FTO: variants seen among roughly 807,000 people sequenced by gnomAD.
FTO encodes the protein alpha-ketoglutarate-dependent dioxygenase FTO.
A neutral mutation model predicts 63.9 loss-of-function variants in FTO; 47 were observed. That is an observed-to-expected ratio of 0.74 (90% confidence interval 0.58 to 0.94). The LOEUF (loss-of-function observed/expected upper bound fraction) is 0.94, where lower values mean the gene tolerates loss of function less well. FTO is among the 40% of genes least tolerant of loss of function. The pLI, the probability that FTO is intolerant of heterozygous loss-of-function variation, is 0.00. For synonymous variants in FTO, 207 were observed against 224.4 expected, an observed-to-expected ratio of 0.92 and a Z score of 0.69; for missense variants, 562 against 618.1, an observed-to-expected ratio of 0.91 and a Z score of 0.96.
At chr16:53,706,533 T>A (rs987002831) in intron 1 of FTO, among the ~76,000 whole-genome samples, 15 of 152,220 alleles carry the variant, frequency 9.9e-5, no homozygotes, top group African/African-American at 3.6e-4. Flanking sequence ...ATACAGTGTA[T>A]ACTTTTGGGT....
intron 1 of FTO, among the ~76,000 whole-genome samples, chr16:53,725,581 G>C (rs1451730851): frequency 6.6e-6 from 1 of 152,228 alleles, no homozygotes; most frequent in East Asian, 1.9e-4. Context: ...ATGTTTTGCT[G>C]TCTGCAGATA....
intron 8 of FTO, among the ~76,000 whole-genome samples, chr16:53,940,480 C>T (rs2082502362): frequency 6.6e-6 from 1 of 152,194 alleles, no homozygotes; most frequent in African/African-American, 2.4e-5. Context: ...TGTGGCCCCA[C>T]TTATTTTTTT....
intron 2 of FTO, among the ~76,000 whole-genome samples, chr16:53,814,478 A>G (rs985887898): frequency 6.6e-6 from 1 of 152,168 alleles, no homozygotes; most frequent in East Asian, 1.9e-4. Context: ...CTAAAACCCT[A>G]TTTTAGAGAT....
chr16:53,738,916 C>T (rs1275494484), intron 1 of FTO, among the ~76,000 whole-genome samples: 1 of 151,994 alleles, frequency 6.6e-6, no homozygotes, highest in Non-Finnish European at 1.5e-5. Context: ...TCATGATTCA[C>T]TGGAGCCTCA....
intron 3 of FTO, among the ~76,000 whole-genome samples, chr16:53,835,887 A>G (rs1420320272): frequency 3.3e-5 from 4 of 119,940 alleles, no homozygotes; most frequent in African/African-American, 1.4e-4. Flanking sequence ...CAACCTGTCT[A>G]TTGATTTTTT....
intron 3 of FTO, among the ~76,000 whole-genome samples, chr16:53,840,066 G>C (rs1236995191): frequency 6.6e-6 from 1 of 152,006 alleles, no homozygotes; most frequent in African/African-American, 2.4e-5. Context: ...GCCTCCCAAT[G>C]TGCTGGGATT....
At chr16:53,964,359 G>C (rs2083149977) in intron 8 of FTO, among the ~76,000 whole-genome samples, 1 of 152,190 alleles carries the variant, frequency 6.6e-6, no homozygotes, top group African/African-American at 2.4e-5. Context: ...GGCAGGATTT[G>C]ACTGTCAGGC....
chr16:54,069,729 G>T (rs866998490), intron 8 of FTO, among the ~76,000 whole-genome samples: 1 of 152,090 alleles, frequency 6.6e-6, no homozygotes, highest in African/African-American at 2.4e-5. Context: ...ATTAGCCAGG[G>T]TTGAAATTGA....
At chr16:53,977,529 T>G (rs940459091) in intron 8 of FTO, among the ~76,000 whole-genome samples, 2 of 152,228 alleles carry the variant, frequency 1.3e-5, no homozygotes, top group Non-Finnish European at 2.9e-5. Context: ...AAAGCTTGAT[T>G]GGCTTTTGAT....
intron 8 of FTO, among the ~76,000 whole-genome samples, chr16:54,068,958 G>C (rs1315115725): frequency 6.6e-6 from 1 of 152,156 alleles, no homozygotes; most frequent in Admixed American, 6.5e-5. Flanking sequence ...ATGGCTGCAG[G>C]CTGAAGTATC....
At chr16:53,769,720 C>G (rs2077289567) in intron 1 of FTO, among the ~76,000 whole-genome samples, 1 of 151,938 alleles carries the variant, frequency 6.6e-6, no homozygotes, top group Non-Finnish European at 1.5e-5. Context: ...CTGCAAAAAT[C>G]ATATCAAAAT....
At chr16:53,848,562 A>G (rs2079699172) in intron 4 of FTO, among the ~76,000 whole-genome samples, 1 of 152,178 alleles carries the variant, frequency 6.6e-6, no homozygotes, top group African/African-American at 2.4e-5. Flanking sequence ...AATTTTCACT[A>G]ATTTTCCAAC....
At chr16:53,941,138 G>A (rs770160918) in intron 8 of FTO, among the ~76,000 whole-genome samples, 1 of 152,080 alleles carries the variant, frequency 6.6e-6, no homozygotes, top group Non-Finnish European at 1.5e-5. Flanking sequence ...AGCTAGTCAC[G>A]GATTATATGC....
rs12597712 is a variant in FTO at position 54,118,708 on chromosome 16, G to C, written c.*6793G>C. The C allele has an allele frequency of 0.38, 58,284 of 151,902 alleles. 11,681 individuals carry two copies. Among genetic ancestry groups the C allele is most frequent in the East Asian group, 0.54 (2,788 of 5,144 alleles). The allele number at this position is 151,902 out of a possible 1,614,324, so 9.4% of individuals were successfully genotyped here. ...TAAACAAAGACCACAGGTGATCACTGTCTTCGTGGTGCCAGTTTCAAGGGC... is the reference window on the plus strand; with the variant it reads ...TAAACAAAGACCACAGGTGATCACTCTCTTCGTGGTGCCAGTTTCAAGGGC... On this transcript the variant is annotated 3_prime_UTR_variant, in exon 9 of 9. Transcript: ENST00000471389.
intron 1 of FTO, among the ~76,000 whole-genome samples, chr16:53,780,602 T>G (rs2077563802): frequency 6.6e-6 from 1 of 152,198 alleles, no homozygotes; most frequent in Non-Finnish European, 1.5e-5. Context: ...ACTCCTGACC[T>G]CAGGTGATTC....
At chr16:54,069,282 G>C (rs111852259) in intron 8 of FTO, among the ~76,000 whole-genome samples, 1 of 152,088 alleles carries the variant, frequency 6.6e-6, no homozygotes, top group Non-Finnish European at 1.5e-5. Flanking sequence ...CACCACCTGG[G>C]CCTAAAAAGT....
intron 8 of FTO, among the ~76,000 whole-genome samples, chr16:54,042,346 G>T (rs1220450079): frequency 8.1e-6 from 1 of 123,570 alleles, no homozygotes; most frequent in East Asian, 2.3e-4. Flanking sequence ...AAGGGGTGAC[G>T]GACGCACCTG....
intron 6 of FTO, among the ~76,000 whole-genome samples, chr16:53,885,532 T>A (rs13336857): frequency 0.031 from 4,680 of 152,286 alleles, 242 homozygotes; most frequent in African/African-American, 0.11. Flanking sequence ...AGGGTGGGCA[T>A]GAATTGACAA....
chr16:53,876,908 T>C (rs979887755), intron 5 of FTO, among the ~76,000 whole-genome samples: 3 of 152,090 alleles, frequency 2.0e-5, no homozygotes, highest in Non-Finnish European at 4.4e-5. Flanking sequence ...GCCTGAGCAA[T>C]AGAGCAAGAC....
Sources: allele counts gnomAD v4.1 joint callset (sites outside exome capture counted in the v4.1 genomes callset), GRCh38; gene constraint gnomAD v4.1.1; transcripts MANE v1.5; gene names NCBI Gene and HGNC (gene_info 2026-07-23, HGNC 2026-07-21).